NCOA2: variants seen among roughly 807,000 people sequenced by gnomAD.
NCOA2 encodes the protein class E basic helix-loop-helix protein 75.
A neutral mutation model predicts 145.1 loss-of-function variants in NCOA2; 21 were observed. That is an observed-to-expected ratio of 0.14 (90% CI 0.10 to 0.21). NCOA2 has a LOEUF of 0.21. Ranked by LOEUF, NCOA2 falls within the 10% of genes least tolerant of loss-of-function variation. The pLI, the probability that NCOA2 is intolerant of heterozygous loss-of-function variation, is 1.00. For synonymous variants in NCOA2, 619 were observed against 637.5 expected, an observed-to-expected ratio of 0.97 and a Z score of 0.44; for missense variants, 1,472 against 1,837.6, an observed-to-expected ratio of 0.80 and a Z score of 3.64.
intron 1 of NCOA2, among the ~76,000 whole-genome samples, chr8:70,391,421 C>T (rs1813198534): frequency 6.6e-6 from 1 of 152,204 alleles, no homozygotes; most frequent in Admixed American, 6.5e-5. Context: ...GATACTACCT[C>T]TTCATTTGCA....
chr8:70,160,851 G>A (rs1239315782), intron 9 of NCOA2, among the ~76,000 whole-genome samples: 1 of 152,230 alleles, frequency 6.6e-6, no homozygotes, highest in African/African-American at 2.4e-5. Flanking sequence ...TGAAGTGGAA[G>A]TACTGAAAAT....
In NCOA2 at chr8:70,112,278, A is replaced by G. The variant is rs982939826; in HGVS notation, c.*1354T>C. On this transcript the variant is annotated 3_prime_UTR_variant, in exon 23 of 23. Transcript: ENST00000452400. ...ACCTTTAGGAGACATTGCTATGAAG[A>G]TATCTAATTTAATACTGAAGTACCT... 3.1e-5 allele frequency: 6 copies of G among 196,616 alleles called. No individual in the cohort carries two copies. The highest frequency in any genetic ancestry group is 4.6e-5 in the African/African-American group (2 of 43,302). The allele number at this position is 196,616 out of a possible 1,614,324, so 12.2% of individuals were successfully genotyped here. A position where few individuals can be genotyped will look rare whatever the true frequency, so the allele number is the denominator to read the frequency against.
chr8:70,406,249 T>G (rs1434414628), upstream of NCOA2, among the ~76,000 whole-genome samples: 1 of 152,234 alleles, frequency 6.6e-6, no homozygotes, highest in Non-Finnish European at 1.5e-5. Flanking sequence ...CACCTCATCT[T>G]CCAATCCCTT....
chr8:70,270,505 C>G (rs1263961542), intron 2 of NCOA2, among the ~76,000 whole-genome samples: 1 of 151,670 alleles, frequency 6.6e-6, no homozygotes, highest in Non-Finnish European at 1.5e-5. Flanking sequence ...ACATCAAATC[C>G]TAAACCTGTA....
chr8:70,399,091 C>A (rs114625650), intron 1 of NCOA2, among the ~76,000 whole-genome samples: 1,573 of 152,280 alleles, frequency 0.01, 37 homozygotes, highest in African/African-American at 0.036. Context: ...TAGAAATTAG[C>A]ATCTAGAATC....
chr8:70,273,427 G>A (rs1420446603), intron 2 of NCOA2: 1 of 725,990 alleles, frequency 1.4e-6, no homozygotes, highest in Admixed American at 2.6e-5. Context: ...AGGCAAAAGT[G>A]CCCATTGGTG....
At chr8:70,169,747 T>C (rs536761519) in intron 6 of NCOA2, among the ~76,000 whole-genome samples, 5 of 152,168 alleles carry the variant, frequency 3.3e-5, no homozygotes, top group Non-Finnish European at 7.3e-5. Flanking sequence ...ACACCTACTA[T>C]GTATGCACAA....
rs1194820884 is a variant in NCOA2 at position 70,124,055 on chromosome 8, G to A, written c.4122C>T (p.His1374=). Residue 1374 remains histidine, a synonymous_variant, in exon 21 of 23, where the codon CAC becomes CAT. Coordinates refer to ENST00000452400, the MANE Select transcript of NCOA2 (RefSeq NM_006540.4). ...TGCTGGTGTTTGCTTGCTGCCCAAA[G>A]TGTGGTGGGGACTGCTGGGAAAACA... ...NSMFSQQSPP[H]FGQQANTSMY... is the part of the protein sequence containing the mutation. 1.2e-6 allele frequency: 2 copies of A among 1,613,766 alleles called. No homozygotes were observed. The highest frequency in any genetic ancestry group is 2.7e-5 in the African/African-American group (2 of 74,944).
At chr8:70,331,260 T>C (rs556755213) in intron 1 of NCOA2, among the ~76,000 whole-genome samples, 208 of 151,708 alleles carry the variant, frequency 1.4e-3, no homozygotes, top group African/African-American at 4.9e-3. Flanking sequence ...GCTTTCTTAC[T>C]AAAACAAACA....
Position 70,113,457 on chromosome 8 carries a change from C to T in NCOA2, c.*175G>A, listed in dbSNP as rs1806723149. The stretch of plus-strand genomic sequence containing the variant: ...CAGACTGTCAAGAGAAGAGGCAGCT[C>T]CTCCTGCCACAGCCGAGTGGACGCC... On this transcript the variant is annotated 3_prime_UTR_variant, in exon 23 of 23. Coordinates refer to ENST00000452400, the MANE Select transcript of NCOA2 (RefSeq NM_006540.4). 3.1e-6 allele frequency: 2 copies of T among 643,586 alleles called. No homozygotes were observed. Among genetic ancestry groups the T allele is most frequent in the Non-Finnish European group, 5.4e-6 (2 of 367,150 alleles). The allele number at this position is 643,586 out of a possible 1,614,324, so 39.9% of individuals were successfully genotyped here.
At position 70,335,155 on chromosome 8, in the gene NCOA2, A is replaced by AAAAT. The variant is rs774576238; in HGVS notation, c.-76-38356_-76-38355insATTT. On this transcript the variant is annotated intron_variant, in intron 1 of 22. Coordinates refer to ENST00000452400, the MANE Select transcript of NCOA2 (RefSeq NM_006540.4). ...AAAAAAAAAAAAAAAAAAAAAAAAG[A>AAAAT]TCTCTCCCTATGACCATTTTCTCAG... is the stretch of plus-strand genomic sequence containing the variant. 1.4e-3 allele frequency among the ~76,000 whole-genome samples: 157 copies of AAAAT among 115,364 alleles called. 4 individuals are homozygous for AAAAT. Among genetic ancestry groups the AAAAT allele is most frequent in the East Asian group, 9.0e-3 (33 of 3,664 alleles). The allele number at this position is 115,364 out of a possible 152,430, so 75.7% of individuals were successfully genotyped here.
At chr8:70,171,560 T>C (rs1472267903) in intron 5 of NCOA2, among the ~76,000 whole-genome samples, 2 of 152,248 alleles carry the variant, frequency 1.3e-5, no homozygotes, top group East Asian at 1.9e-4. Context: ...AGCTCTGTTT[T>C]ATGGATCACG....
At chr8:70,235,468 A>T (rs538073015) in intron 2 of NCOA2, among the ~76,000 whole-genome samples, 101 of 152,340 alleles carry the variant, frequency 6.6e-4, no homozygotes, top group Non-Finnish European at 1.2e-3. Context: ...AATTTAAAAA[A>T]ATATTTAAAA....
intron 5 of NCOA2, among the ~76,000 whole-genome samples, chr8:70,172,302 A>C (rs1299523904): frequency 6.6e-6 from 1 of 152,176 alleles, no homozygotes; most frequent in Non-Finnish European, 1.5e-5. Context: ...ATGTATACAC[A>C]TACAACAATG....
intron 16 of NCOA2, among the ~76,000 whole-genome samples, chr8:70,130,757 T>C (rs1430050340): frequency 6.6e-6 from 1 of 152,242 alleles, no homozygotes. Flanking sequence ...AGAAGTAGAC[T>C]GGACACTGGC....
At chr8:70,386,087 G>T (rs1444680814) in intron 1 of NCOA2, among the ~76,000 whole-genome samples, 1 of 152,152 alleles carries the variant, frequency 6.6e-6, no homozygotes, top group Non-Finnish European at 1.5e-5. Flanking sequence ...GATTCCTTAT[G>T]GGAAAGAGGA....
At chr8:70,171,080 A>G (rs1814195908) in intron 5 of NCOA2, among the ~76,000 whole-genome samples, 2 of 152,208 alleles carry the variant, frequency 1.3e-5, no homozygotes, top group Non-Finnish European at 2.9e-5. Context: ...CTCCAGATTA[A>G]GATGCAGGTT....
intron 1 of NCOA2, among the ~76,000 whole-genome samples, chr8:70,338,526 C>A (rs554509425): frequency 2.6e-5 from 4 of 152,282 alleles, no homozygotes; most frequent in Non-Finnish European, 5.9e-5. Context: ...AGAGCTGGTA[C>A]CATTTCCACT....
chr8:70,420,635 TTTG>T, the NCOA2 span, among the ~76,000 whole-genome samples: 150 of 152,206 alleles, frequency 9.9e-4, 2 homozygotes, highest in East Asian at 0.025. Context: ...AGAAGTGTTC[TTTG>T]TTGTTGTTGT....
Sources: gnomAD v4.1 joint callset for allele counts (sites outside exome capture counted in the v4.1 genomes callset) on GRCh38, gnomAD v4.1.1 for gene constraint, MANE v1.5 for transcripts, NCBI Gene and HGNC (gene_info 2026-07-23, HGNC 2026-07-21) for gene names.